AOPEP: variants seen among roughly 807,000 people sequenced by gnomAD.
AOPEP encodes aminopeptidase O (putative).
AOPEP carries 77 observed loss-of-function variants against 98.1 expected under a neutral mutation model. The ratio of observed to expected loss-of-function variants is 0.78; its 90% confidence interval spans 0.65 to 0.95. The LOEUF is 0.95. Among genes scored for constraint, AOPEP ranks in the 40% least tolerant of loss-of-function variants. The pLI is 0.00. For missense variants in AOPEP, 1,024 were observed against 1,024.7 expected, an observed-to-expected ratio of 1.00 and a Z score of 0.01; for synonymous variants, 346 against 365.3, an observed-to-expected ratio of 0.95 and a Z score of 0.60.
At chr9:94,853,974 T>G (rs1343382758) in intron 5 of AOPEP, among the ~76,000 whole-genome samples, 1 of 152,172 alleles carries the variant, frequency 6.6e-6, no homozygotes, top group Non-Finnish European at 1.5e-5. Flanking sequence ...TGCGCAGCAC[T>G]TATGTGAAAG....
intron 7 of AOPEP, chr9:94,931,971 C>G (rs1299731744): frequency 1.7e-6 from 2 of 1,143,250 alleles, no homozygotes; most frequent in Non-Finnish European, 2.3e-6. Flanking sequence ...CTAACCTCCT[C>G]TAGCTGATAA....
chr9:94,886,070 A>G (rs542419518), intron 5 of AOPEP, among the ~76,000 whole-genome samples: 2 of 152,286 alleles, frequency 1.3e-5, no homozygotes, highest in East Asian at 3.9e-4. Context: ...AGAGTACTAC[A>G]AAAAAGGTGT....
intron 14 of AOPEP, among the ~76,000 whole-genome samples, chr9:95,069,011 C>T (rs2068206298): frequency 6.6e-6 from 1 of 152,146 alleles, no homozygotes; most frequent in African/African-American, 2.4e-5. Context: ...CTCCCTGTTG[C>T]CTCATGCACC....
In AOPEP at chr9:94,800,835, T is replaced by C; in HGVS notation, c.1197T>C (p.Pro399=). Residue 399 remains proline (P), a synonymous_variant, in exon 5 of 17, where the codon CCT becomes CCC. Transcript: ENST00000375315. Reference sequence around the variant, plus strand: ...CTGCCACCACCCAGGAGATCATTCCTCATCGGGTCTTTGCCCCTGTGTGCC... The same window carrying C: ...CTGCCACCACCCAGGAGATCATTCCCCATCGGGTCTTTGCCCCTGTGTGCC... The part of the protein sequence containing the change: ...NASATTQEII[P]HRVFAPVCLT... The C allele has an allele frequency of 6.2e-7, 1 of 1,614,190 alleles. No homozygotes were observed. The highest frequency in any genetic ancestry group is 8.5e-7 in the Non-Finnish European group (1 of 1,180,018).
At chr9:94,749,370 A>G (rs1228834899) in intron 1 of AOPEP, among the ~76,000 whole-genome samples, 1 of 152,076 alleles carries the variant, frequency 6.6e-6, no homozygotes, top group East Asian at 1.9e-4. Context: ...TTCCCTGCCC[A>G]GCCTGAGAAT....
intron 14 of AOPEP, among the ~76,000 whole-genome samples, chr9:95,061,966 G>T (rs943149319): frequency 5.9e-5 from 9 of 152,142 alleles, no homozygotes; most frequent in Non-Finnish European, 1.3e-4. Flanking sequence ...TAGTCATTAG[G>T]CTGTGTTTTA....
chr9:94,801,796 A>G (rs899827763), intron 5 of AOPEP, among the ~76,000 whole-genome samples: 3 of 152,228 alleles, frequency 2.0e-5, no homozygotes, highest in Admixed American at 1.3e-4. Context: ...GATGGGAAAA[A>G]TAAGCTCATC....
At chr9:94,914,385 A>G (rs78957458) in intron 5 of AOPEP, among the ~76,000 whole-genome samples, 2,402 of 152,330 alleles carry the variant, frequency 0.016, 65 homozygotes, top group African/African-American at 0.055. Context: ...GAGGGACTCC[A>G]AAGCAGGTTT....
chr9:95,111,683 C>T, the AOPEP span: 15 of 1,612,112 alleles, frequency 9.3e-6, no homozygotes, highest in South Asian at 3.3e-5. Context: ...CTAAATTCTT[C>T]TTCCTTTGGG....
chr9:95,107,461 ACTTT>A, the AOPEP span: 1 of 657,684 alleles, frequency 1.5e-6, no homozygotes, highest in South Asian at 1.8e-5. Flanking sequence ...AAATTTCTTG[ACTTT>A]CTTTCGTCTT....
intron 1 of AOPEP, among the ~76,000 whole-genome samples, chr9:94,737,039 G>A (rs999365205): frequency 6.6e-6 from 1 of 152,196 alleles, no homozygotes; most frequent in Non-Finnish European, 1.5e-5. Context: ...GTAGTGGGGA[G>A]AAACTGGAGT....
At chr9:94,763,517 G>A (rs1427761519) in intron 2 of AOPEP, 1 of 154,536 alleles carries the variant, frequency 6.5e-6, no homozygotes, top group Non-Finnish European at 1.4e-5. Flanking sequence ...TACACACACT[G>A]TATCTTGGCT....
intron 5 of AOPEP, among the ~76,000 whole-genome samples, chr9:94,886,022 A>G (rs956285814): frequency 1.3e-5 from 2 of 152,114 alleles, no homozygotes; most frequent in Non-Finnish European, 2.9e-5. Context: ...CTCTTGGTTC[A>G]GTGGCCAGGA....
At chr9:94,830,003 A>G (rs569596805) in intron 5 of AOPEP, among the ~76,000 whole-genome samples, 22 of 152,304 alleles carry the variant, frequency 1.4e-4, no homozygotes, top group African/African-American at 5.1e-4. Flanking sequence ...GAACTACATC[A>G]GGTGTTTAAT....
At chr9:95,036,720 A>T (rs2064866911) in intron 13 of AOPEP, among the ~76,000 whole-genome samples, 1 of 28,632 alleles carries the variant, frequency 3.5e-5, no homozygotes, top group African/African-American at 7.1e-5. Context: ...TTTGTGGGGA[A>T]TAAAACTATA....
chr9:95,038,208 A>T lies in AOPEP; in HGVS notation c.2116-22486A>T, dbSNP rs530547126. Among the ~76,000 whole-genome samples the T allele has an allele frequency of 2.6e-5, 4 of 152,340 alleles. No individual in the cohort carries two copies. The East Asian group carries it at 7.7e-4, about 29-fold the overall frequency. On this transcript the variant is annotated intron_variant, in intron 13 of 16. Coordinates refer to ENST00000375315, the MANE Select transcript of AOPEP (RefSeq NM_001193329.3). ...TTTCTTTCCAGTTATACCAAAAGTGATGATATAACTAAACCAAACTCCCTG... is the reference window on the plus strand; with the variant it reads ...TTTCTTTCCAGTTATACCAAAAGTGTTGATATAACTAAACCAAACTCCCTG...
chr9:94,770,597 G>A (rs1840647662), intron 2 of AOPEP, among the ~76,000 whole-genome samples: 1 of 152,152 alleles, frequency 6.6e-6, no homozygotes, highest in African/African-American at 2.4e-5. Flanking sequence ...GCCTCCCTAG[G>A]CTGCCTGAGT....
chr9:94,989,609 CTTTTTTTT>C (rs71498953), intron 11 of AOPEP, among the ~76,000 whole-genome samples: 1 of 123,950 alleles, frequency 8.1e-6, no homozygotes, highest in Non-Finnish European at 1.7e-5. Context: ...GTAACCCAAA[CTTTTTTTT>C]TTTTTTTTTT....
chr9:95,053,369 C>T (rs556644305), intron 13 of AOPEP, among the ~76,000 whole-genome samples: 20 of 152,178 alleles, frequency 1.3e-4, no homozygotes, highest in African/African-American at 4.8e-4. Context: ...TATTCTGAAC[C>T]TTTTTTCTAA....
Sources: allele counts gnomAD v4.1 joint callset (sites outside exome capture counted in the v4.1 genomes callset), GRCh38; gene constraint gnomAD v4.1.1; transcripts MANE v1.5; gene names NCBI Gene and HGNC (gene_info 2026-07-23, HGNC 2026-07-21).